The following WDSUB1 variants were observed in gnomAD, a reference collection of about 807,000 sequenced individuals.
WDSUB1 encodes WD repeat, sterile alpha motif and U-box domain containing 1.
A neutral mutation model predicts 53.9 loss-of-function variants in WDSUB1; 49 were observed. The observed-to-expected ratio is 0.91, with a 90% CI of 0.72 to 1.15. The LOEUF (loss-of-function observed/expected upper bound fraction) is 1.15. WDSUB1 is among the 50% of genes most tolerant of loss of function. The pLI is 0.00. For synonymous variants in WDSUB1, 194 were observed against 200.6 expected, an observed-to-expected ratio of 0.97 and a Z score of 0.28; for missense variants, 514 against 562.0, an observed-to-expected ratio of 0.91 and a Z score of 0.86.
At chr2:159,256,522 C>T in intron 8 of WDSUB1, 147 bp from the exon 9 acceptor site, 1 of 793,544 alleles carries the variant, frequency 1.3e-6, no homozygotes, top group Non-Finnish European at 1.9e-6. Context: ...CCTAGCTTCT[C>T]AAGTGGCTGA....
intron 10 of WDSUB1, among the ~76,000 whole-genome samples, chr2:159,239,993 A>C (rs539477503): frequency 2.2e-3 from 340 of 152,166 alleles, no homozygotes; most frequent in Non-Finnish European, 4.2e-3. Flanking sequence ...AAATGCACCC[A>C]TTTGTGGTTC....
At chr2:159,240,217 TG>T (rs143128402) in intron 10 of WDSUB1, among the ~76,000 whole-genome samples, 4,338 of 152,302 alleles carry the variant, frequency 0.028, 195 homozygotes, top group African/African-American at 0.094. Context: ...TCTACATATT[TG>T]TGCATTTTTA....
At chr2:159,272,565 G>A (rs2061465154) in intron 4 of WDSUB1, among the ~76,000 whole-genome samples, 1 of 152,252 alleles carries the variant, frequency 6.6e-6, no homozygotes. Context: ...TTCAACAAAG[G>A]CTAGATGGGG....
intron 2 of WDSUB1, among the ~76,000 whole-genome samples, chr2:159,282,198 T>A (rs1397136913): frequency 1.4e-4 from 7 of 49,996 alleles, no homozygotes; most frequent in East Asian, 7.2e-4. Context: ...TTAAAAAAAA[T>A]TTTTTTTTTT....
chr2:159,286,131 G>A (rs2061791569), intron 1 of WDSUB1, among the ~76,000 whole-genome samples: 1 of 152,086 alleles, frequency 6.6e-6, no homozygotes, highest in South Asian at 2.1e-4. Flanking sequence ...CGGCTGTCAC[G>A]CGAACAGTAA....
At chr2:159,250,405 C>A (rs2060925474) in intron 9 of WDSUB1, among the ~76,000 whole-genome samples, 2 of 152,298 alleles carry the variant, frequency 1.3e-5, no homozygotes, top group East Asian at 3.9e-4. Flanking sequence ...AAGATTCCCT[C>A]AAATTCTTTA....
intron 10 of WDSUB1, among the ~76,000 whole-genome samples, chr2:159,238,691 A>ATGC (rs2060555208): frequency 6.6e-6 from 1 of 152,092 alleles, no homozygotes; most frequent in East Asian, 1.9e-4. Flanking sequence ...CCAACACTAC[A>ATGC]CATTCACTTA....
chr2:159,283,736 T>A (rs1474289438), intron 1 of WDSUB1, among the ~76,000 whole-genome samples: 4 of 151,878 alleles, frequency 2.6e-5, no homozygotes, highest in Non-Finnish European at 5.9e-5. Flanking sequence ...TGCCCTCACC[T>A]CCTGCTGTGC....
chr2:159,244,746 G>A (rs1282593744), intron 10 of WDSUB1, among the ~76,000 whole-genome samples: 5 of 152,112 alleles, frequency 3.3e-5, no homozygotes, highest in Non-Finnish European at 7.4e-5. Context: ...GCAACAGAGA[G>A]ACCCCATCTC....
intron 1 of WDSUB1, 64 bp from the exon 2 acceptor site, chr2:159,283,157 AT>A: frequency 1.4e-6 from 2 of 1,401,184 alleles, no homozygotes; most frequent in Non-Finnish European, 1.9e-6. Flanking sequence ...ATTTGAGTCT[AT>A]ATAAAAGGGC....
chr2:159,238,599 CTATCTT>C (rs1487247579), intron 10 of WDSUB1, among the ~76,000 whole-genome samples: 2 of 152,174 alleles, frequency 1.3e-5, no homozygotes, highest in South Asian at 2.1e-4. Context: ...ATTTTAAATG[CTATCTT>C]TATCAATCAC....
In WDSUB1 at chr2:159,236,001, C is replaced by G; in HGVS notation, c.*32G>C. 1 of 1,555,904 alleles carries G rather than the reference C, an allele frequency of 6.4e-7. No individual in the cohort carries two copies. The highest frequency in any genetic ancestry group is 2.3e-5 in the East Asian group (1 of 44,074). ...CCTATAAATCATTCAAATGAGATCACTGAAAATATAAATAATACAATATCA... is the reference window on the plus strand; with the variant it reads ...CCTATAAATCATTCAAATGAGATCAGTGAAAATATAAATAATACAATATCA... On this transcript the variant is annotated 3_prime_UTR_variant, in exon 11 of 11. Transcript: ENST00000359774.
At chr2:159,282,637 C>A (rs1263021478) in intron 2 of WDSUB1, 35 bp downstream of exon 2, 2 of 1,573,318 alleles carry the variant, frequency 1.3e-6, no homozygotes, top group East Asian at 2.3e-5. Flanking sequence ...ACCTAGTCAA[C>A]AGGATTAAAA....
At chr2:159,237,569 C>G (rs865873760) in intron 10 of WDSUB1, among the ~76,000 whole-genome samples, 1 of 152,050 alleles carries the variant, frequency 6.6e-6, no homozygotes, top group African/African-American at 2.4e-5. Flanking sequence ...TCAGAGGGGT[C>G]TAATCTAACC....
rs1423451017 is a variant in WDSUB1 at position 159,257,748 on chromosome 2, C to T, written c.952+10G>A. On this transcript the variant is annotated intron_variant, in intron 8 of 10. Coordinates refer to ENST00000359774, the MANE Select transcript of WDSUB1 (RefSeq NM_001128212.3). Reference sequence around the variant, plus strand: ...GGTTGAAATGAGTGAAAAATGATGTCCTTACTAACCTTGGCAAAGTGTTTC... The same window carrying T: ...GGTTGAAATGAGTGAAAAATGATGTTCTTACTAACCTTGGCAAAGTGTTTC... The T allele has an allele frequency of 6.2e-7, 1 of 1,609,742 alleles. No individual in the cohort carries two copies.
At chr2:159,260,173 C>T (rs568160795) in intron 5 of WDSUB1, among the ~76,000 whole-genome samples, 79 of 152,048 alleles carry the variant, frequency 5.2e-4, no homozygotes, top group Non-Finnish European at 1.0e-3. Flanking sequence ...GGCATGGTGG[C>T]GTGCACCTGT....
chr2:159,259,781 AG>A (rs756252052), intron 6 of WDSUB1, 28 bp downstream of exon 6: 95 of 1,507,804 alleles, frequency 6.3e-5, no homozygotes, highest in Non-Finnish European at 8.4e-5. Flanking sequence ...TAACTTTCAT[AG>A]ATCACCACAA....
intron 3 of WDSUB1, among the ~76,000 whole-genome samples, chr2:159,279,503 C>G (rs58309169): frequency 0.064 from 9,697 of 151,982 alleles, 646 homozygotes; most frequent in African/African-American, 0.15. Context: ...TGAGCCACCC[C>G]CTGCATATAA....
At chr2:159,280,347 T>C (rs2061629049) in intron 2 of WDSUB1, among the ~76,000 whole-genome samples, 1 of 152,104 alleles carries the variant, frequency 6.6e-6, no homozygotes, top group Admixed American at 6.5e-5. Flanking sequence ...CTATTTTTAT[T>C]GGAAAATATG....
Sources: gnomAD v4.1 joint callset for allele counts (sites outside exome capture counted in the v4.1 genomes callset) on GRCh38, gnomAD v4.1.1 for gene constraint, MANE v1.5 for transcripts, NCBI Gene and HGNC (gene_info 2026-07-23, HGNC 2026-07-21) for gene names.